Variants in MAST4 observed in about 807,000 individuals in gnomAD.
MAST4 encodes the protein microtubule-associated serine/threonine-protein kinase 4.
Under a neutral mutation model 162.7 loss-of-function variants are expected in MAST4, and 89 were observed. That is an observed-to-expected ratio of 0.55 (90% CI 0.46 to 0.65). The LOEUF is 0.65. Ranked by LOEUF, MAST4 falls within the 30% of genes least tolerant of loss-of-function variation. The pLI, the probability that MAST4 is intolerant of heterozygous loss-of-function variation, is 0.00. For missense variants in MAST4, 3,153 were observed against 3,374.0 expected (o/e 0.93, Z 1.62); for synonymous variants, 1,479 against 1,361.1 (o/e 1.09, Z -1.91).
intron 1 of MAST4, among the ~76,000 whole-genome samples, chr5:66,702,225 C>T (rs1749826260): frequency 6.6e-6 from 1 of 152,172 alleles, no homozygotes; most frequent in African/African-American, 2.4e-5. Context: ...GCAGAGGATC[C>T]TCATCCCAGT....
intron 3 of MAST4, among the ~76,000 whole-genome samples, chr5:66,839,028 G>A (rs1758232818): frequency 6.6e-6 from 1 of 152,142 alleles, no homozygotes; most frequent in South Asian, 2.1e-4. Flanking sequence ...ATTTAGAAAT[G>A]AGGAGGTGGT....
intron 3 of MAST4, among the ~76,000 whole-genome samples, chr5:66,858,736 T>TA (rs1236992567): frequency 1.3e-5 from 2 of 152,196 alleles, no homozygotes; most frequent in African/African-American, 4.8e-5. Context: ...TGGTTAGAAT[T>TA]ACAGTGGCTC....
intron 3 of MAST4, among the ~76,000 whole-genome samples, chr5:66,898,694 G>T (rs1037164222): frequency 6.6e-6 from 1 of 152,194 alleles, no homozygotes. Context: ...GAAAGAAGAC[G>T]ACACTTCATT....
intron 4 of MAST4, among the ~76,000 whole-genome samples, chr5:67,036,527 A>T (rs1211766624): frequency 1.3e-5 from 2 of 152,144 alleles, no homozygotes; most frequent in Non-Finnish European, 2.9e-5. Flanking sequence ...TCCCTTGGAA[A>T]CCAAAATCTG....
chr5:66,649,997 A>G (rs144591557), intron 1 of MAST4, among the ~76,000 whole-genome samples: 1 of 151,960 alleles, frequency 6.6e-6, no homozygotes, highest in Non-Finnish European at 1.5e-5. Flanking sequence ...TTCTTTTTCA[A>G]ATGGCAGTCT....
rs114874020 is a variant in MAST4, at chr5:66,826,350, T to C, written c.642+37556T>C. ...AATATTCCTTTGTTAAGAAACATACTTTTCGTCCTTAGCCAGATTCCTATT... is the reference window on the plus strand; with the variant it reads ...AATATTCCTTTGTTAAGAAACATACCTTTCGTCCTTAGCCAGATTCCTATT... On this transcript the variant is annotated intron_variant, in intron 3 of 28. Transcript: ENST00000403625. 9.0e-3 allele frequency among the ~76,000 whole-genome samples: 1,362 copies of C among 152,166 alleles called. 25 individuals carry two copies. Among genetic ancestry groups the C allele is most frequent in the African/African-American group, 0.03 (1,263 of 41,522 alleles).
intron 1 of MAST4, among the ~76,000 whole-genome samples, chr5:66,726,932 G>A (rs1254232700): frequency 6.6e-6 from 1 of 152,114 alleles, no homozygotes; most frequent in Non-Finnish European, 1.5e-5. Flanking sequence ...TAGATCATTT[G>A]GCAGAGGGGT....
intron 3 of MAST4, 24 bp downstream of exon 3, chr5:66,788,818 G>A (rs541631019): frequency 6.5e-7 from 1 of 1,530,764 alleles, no homozygotes; most frequent in South Asian, 1.3e-5. Context: ...GGCGCCGGTG[G>A]AGGCTGCTCC....
chr5:66,621,538 A>G (rs1001685104), intron 1 of MAST4, among the ~76,000 whole-genome samples: 1 of 152,240 alleles, frequency 6.6e-6, no homozygotes, highest in African/African-American at 2.4e-5. Flanking sequence ...TGGTGGTTAC[A>G]AGAGTATTCT....
At chr5:66,698,564 A>G (rs898910167) in intron 1 of MAST4, among the ~76,000 whole-genome samples, 2 of 151,982 alleles carry the variant, frequency 1.3e-5, no homozygotes, top group Non-Finnish European at 2.9e-5. Flanking sequence ...GCTTTAAGTG[A>G]TTCAGCTATC....
intron 1 of MAST4, among the ~76,000 whole-genome samples, chr5:66,640,619 A>G (rs890496371): frequency 6.6e-6 from 1 of 152,084 alleles, no homozygotes. Flanking sequence ...CAATTTCTTT[A>G]TCCAGTCGTC....
chr5:67,133,459 A>G, intron 16 of MAST4, 55 bp from the exon 17 acceptor site: 1 of 1,583,840 alleles, frequency 6.3e-7, no homozygotes, highest in Non-Finnish European at 8.6e-7. Context: ...GGAAATGAAA[A>G]TAGATAACCA....
chr5:66,948,988 GAT>G lies in MAST4; in HGVS notation c.674+49017_674+49018del, dbSNP rs200272328. On this transcript the variant is annotated intron_variant, in intron 4 of 28. Transcript: ENST00000403625. The stretch of plus-strand genomic sequence containing the variant: ...CTTTTGAAAACATTGCATAAAGTCA[GAT>G]ATATATATATTAGATATACATGCCA... Among the ~76,000 whole-genome samples the G allele has an allele frequency of 9.2e-5, 14 of 151,826 alleles. No individual in the cohort carries two copies. In the East Asian group the frequency reaches 2.5e-3, roughly 27 times the overall value.
intron 14 of MAST4, among the ~76,000 whole-genome samples, chr5:67,124,896 G>A (rs947014344): frequency 2.6e-5 from 4 of 152,090 alleles, no homozygotes; most frequent in Non-Finnish European, 5.9e-5. Flanking sequence ...AGGCATCTTT[G>A]TCTTTTATTC....
chr5:66,972,800 T>C (rs1415019363), intron 4 of MAST4, among the ~76,000 whole-genome samples: 1 of 152,226 alleles, frequency 6.6e-6, no homozygotes, highest in Non-Finnish European at 1.5e-5. Flanking sequence ...TTCCAGTGGA[T>C]GCCCACTGTC....
Position 66,867,041 on chromosome 5 carries a change from G to A in MAST4, c.643-32910G>A, listed in dbSNP as rs893454649. On this transcript the variant is annotated intron_variant, in intron 3 of 28. Coordinates refer to ENST00000403625, the MANE Select transcript of MAST4 (RefSeq NM_001164664.2). ...CTTCCAAAGTGCTAGGGTTACAAGC[G>A]TGAGCCACTATGCCCAGCTAATTAA... Among the ~76,000 whole-genome samples, 9 of 152,146 alleles carry A rather than the reference G, an allele frequency of 5.9e-5. No homozygotes were observed. The South Asian group carries it at 6.2e-4, about 10-fold the overall frequency.
intron 2 of MAST4, among the ~76,000 whole-genome samples, chr5:66,765,325 G>C (rs1378458044): frequency 6.6e-6 from 1 of 152,156 alleles, no homozygotes. Context: ...AGTTGCTCAA[G>C]TCACTGATAT....
intron 1 of MAST4, among the ~76,000 whole-genome samples, chr5:66,672,112 T>A (rs1747646812): frequency 1.3e-5 from 2 of 152,196 alleles, no homozygotes; most frequent in South Asian, 4.1e-4. Flanking sequence ...CTGCTGTGAA[T>A]CCAAACCATG....
At chr5:66,913,222 A>G (rs552031718) in intron 4 of MAST4, among the ~76,000 whole-genome samples, 13 of 152,180 alleles carry the variant, frequency 8.5e-5, no homozygotes, top group Non-Finnish European at 1.9e-4. Context: ...CACAGTTGAG[A>G]TAATAAAATA....
Sources: gnomAD v4.1 joint callset for allele counts (sites outside exome capture counted in the v4.1 genomes callset) on GRCh38, gnomAD v4.1.1 for gene constraint, MANE v1.5 for transcripts, NCBI Gene and HGNC (gene_info 2026-07-23, HGNC 2026-07-21) for gene names.